Variants in SLC14A2 observed in about 807,000 individuals in gnomAD.
The protein encoded by SLC14A2 is solute carrier family 14 member 2.
SLC14A2 carries 91 observed loss-of-function variants against 104.6 expected under a neutral mutation model. The ratio of observed to expected loss-of-function variants is 0.87; its 90% CI spans 0.73 to 1.04. The LOEUF is 1.04. Among genes scored for constraint, SLC14A2 ranks in the 50% least tolerant of loss-of-function variants. The pLI, the probability that SLC14A2 is intolerant of heterozygous loss-of-function variation, is 0.00. For synonymous variants in SLC14A2, 476 were observed against 466.4 expected, an observed-to-expected ratio of 1.02 and a Z score of -0.27; for missense variants, 1,189 against 1,156.0, an observed-to-expected ratio of 1.03 and a Z score of -0.41.
At chr18:45,231,853 T>C (rs527299376) in intron 1 of SLC14A2, among the ~76,000 whole-genome samples, 49 of 152,278 alleles carry the variant, frequency 3.2e-4, no homozygotes, top group Admixed American at 2.0e-3. Flanking sequence ...GCTGTCCTTA[T>C]GGAGTGTTTA....
At chr18:45,616,971 G>A (rs773682173) in intron 1 of SLC14A2, among the ~76,000 whole-genome samples, 13 of 152,116 alleles carry the variant, frequency 8.5e-5, no homozygotes, top group Admixed American at 2.0e-4. Context: ...GGTGGTGTGC[G>A]CCGGTAGTCC....
rs1236943585 is a variant in SLC14A2 at position 45,682,438 on chromosome 18, C to G, written c.2682C>G (p.Ala894=). 2.5e-6 allele frequency: 4 copies of G among 1,614,046 alleles called. No individual in the cohort carries two copies. The highest frequency in any genetic ancestry group is 3.4e-6 in the Non-Finnish European group (4 of 1,180,000). The change falls in exon 20 of 20, where the codon GCC becomes GCG. Residue 894 remains alanine (A), a synonymous_variant. Coordinates refer to ENST00000255226, the MANE Select transcript of SLC14A2 (RefSeq NM_007163.4). ...LPLSKVTYPE[A]NRIYYLSQER... The stretch of plus-strand genomic sequence containing the variant: ...TCAGCAAAGTCACCTACCCAGAGGC[C>G]AACCGCATCTACTACCTGTCCCAGG...
intron 1 of SLC14A2, among the ~76,000 whole-genome samples, chr18:45,294,030 T>G (rs1283292928): frequency 6.6e-6 from 1 of 152,222 alleles, no homozygotes; most frequent in Non-Finnish European, 1.5e-5. Flanking sequence ...GTTCACGGTA[T>G]CCATCACTTT....
intron 1 of SLC14A2, among the ~76,000 whole-genome samples, chr18:45,291,691 T>C (rs1203256718): frequency 2.0e-5 from 3 of 152,178 alleles, no homozygotes; most frequent in Admixed American, 2.0e-4. Context: ...GTTAGGGATC[T>C]TCCCGTCTGC....
intron 1 of SLC14A2, among the ~76,000 whole-genome samples, chr18:45,297,274 T>C (rs1330788338): frequency 2.6e-5 from 4 of 152,230 alleles, no homozygotes; most frequent in African/African-American, 4.8e-5. Flanking sequence ...TCTCTTGATA[T>C]GTTGTCTAAT....
chr18:45,209,408 T>A (rs1230145739), upstream of SLC14A2, among the ~76,000 whole-genome samples: 4 of 152,122 alleles, frequency 2.6e-5, no homozygotes, highest in Non-Finnish European at 5.9e-5. Flanking sequence ...AAATTACAGG[T>A]AAAATCAGGT....
chr18:45,429,949 A>G (rs2086488932), intron 1 of SLC14A2, among the ~76,000 whole-genome samples: 1 of 152,174 alleles, frequency 6.6e-6, no homozygotes, highest in Admixed American at 6.5e-5. Flanking sequence ...AGTGATGTTT[A>G]AGGCTTTATG....
intron 1 of SLC14A2, among the ~76,000 whole-genome samples, chr18:45,378,577 T>C (rs2085800065): frequency 6.6e-6 from 1 of 152,230 alleles, no homozygotes; most frequent in African/African-American, 2.4e-5. Flanking sequence ...GTAATCATGT[T>C]AATGGGCCAC....
intron 1 of SLC14A2, among the ~76,000 whole-genome samples, chr18:45,218,119 C>T (rs1271424206): frequency 1.3e-5 from 2 of 152,166 alleles, no homozygotes; most frequent in African/African-American, 4.8e-5. Context: ...TGCCCATCTA[C>T]GTCCAGAACT....
Position 45,571,119 on chromosome 18 carries a change from G to A in SLC14A2, c.-34-53512G>A, listed in dbSNP as rs758171497. ...CTCCTGTGCCTTTGGGGCACTTCCT[G>A]AAGACTGATTAACTCCCCTTTAAGG... On this transcript the variant is annotated intron_variant, in intron 2 of 20. Coordinates refer to the SLC14A2 transcript ENST00000586448. 2.0e-5 allele frequency among the ~76,000 whole-genome samples: 3 copies of A among 152,184 alleles called. No homozygotes were observed. In the South Asian group the frequency reaches 6.2e-4, roughly 32 times the overall value.
chr18:45,231,051 G>A (rs1465686823), intron 1 of SLC14A2, among the ~76,000 whole-genome samples: 1 of 152,164 alleles, frequency 6.6e-6, no homozygotes, highest in Non-Finnish European at 1.5e-5. Flanking sequence ...CAGCCTCCTG[G>A]AAATGTCAAG....
chr18:45,204,160 T>TA, the SLC14A2 span, among the ~76,000 whole-genome samples: 441 of 152,230 alleles, frequency 2.9e-3, 2 homozygotes, highest in African/African-American at 9.9e-3. Context: ...AGAGTGGTAA[T>TA]AAAAAAATCT....
intron 3 of SLC14A2, 152 bp from the exon 4 acceptor site, chr18:45,626,806 A>AG: frequency 2.7e-6 from 1 of 374,234 alleles, no homozygotes; most frequent in Non-Finnish European, 5.1e-6. Context: ...CCTCCCCTCT[A>AG]CCCCCACCCC....
intron 1 of SLC14A2, among the ~76,000 whole-genome samples, chr18:45,388,071 T>G (rs2085919100): frequency 5.1e-5 from 1 of 19,618 alleles, no homozygotes; most frequent in African/African-American, 1.3e-4. Context: ...TATCTTTTTT[T>G]TTTTTTTTTT....
chr18:45,335,301 CTTCTT>C (rs1433556698), intron 1 of SLC14A2, among the ~76,000 whole-genome samples: 1 of 152,114 alleles, frequency 6.6e-6, no homozygotes, highest in Non-Finnish European at 1.5e-5. Context: ...TCATTCTTTC[CTTCTT>C]TTATTTCTTT....
rs183184203 is a variant in SLC14A2, at chr18:45,531,712, C to T, written c.-35+48390C>T. Among the ~76,000 whole-genome samples, 1,150 of 152,098 alleles carry T rather than the reference C, an allele frequency of 7.6e-3. 17 individuals are homozygous for T. The highest frequency in any genetic ancestry group is 0.027 in the African/African-American group (1,100 of 41,486). ...AGAAGCTCTTTAGTTTAATGAGATC[C>T]CATTTGTCAATTTTGGCTTTTGTTG... On this transcript the variant is annotated intron_variant, in intron 2 of 20. Coordinates refer to the SLC14A2 transcript ENST00000586448.
intron 1 of SLC14A2, among the ~76,000 whole-genome samples, chr18:45,250,219 T>C (rs1412409063): frequency 2.6e-5 from 4 of 152,172 alleles, no homozygotes; most frequent in Non-Finnish European, 5.9e-5. Context: ...CTAATGAGCA[T>C]CTATATCATG....
the SLC14A2 span, among the ~76,000 whole-genome samples, chr18:45,173,384 A>G: frequency 5.3e-5 from 8 of 152,170 alleles, no homozygotes; most frequent in East Asian, 7.7e-4. Flanking sequence ...TTCAGTATCA[A>G]TGTAATCACG....
chr18:45,473,365 T>G (rs1169471043), intron 1 of SLC14A2, among the ~76,000 whole-genome samples: 1 of 152,244 alleles, frequency 6.6e-6, no homozygotes, highest in African/African-American at 2.4e-5. Context: ...CATGGGCTCT[T>G]TTTTGGTTCC....
Sources: gnomAD v4.1 joint callset for allele counts (sites outside exome capture counted in the v4.1 genomes callset) on GRCh38, gnomAD v4.1.1 for gene constraint, MANE v1.5 for transcripts, NCBI Gene and HGNC (gene_info 2026-07-23, HGNC 2026-07-21) for gene names.